SOAT2: variants seen among roughly 807,000 people sequenced by gnomAD.
The protein encoded by SOAT2 is sterol O-acyltransferase 2.
SOAT2 carries 87 observed loss-of-function variants against 76.0 expected under a neutral mutation model. That is an observed-to-expected ratio of 1.14 (90% CI 0.96 to 1.37). The LOEUF is 1.37. SOAT2 is among the 40% of genes most tolerant of loss of function. SOAT2 has a pLI of 0.00. For synonymous variants in SOAT2, 285 were observed against 275.4 expected (o/e 1.03, Z -0.34); for missense variants, 686 against 682.1 (o/e 1.01, Z -0.06).
intron 5 of SOAT2, among the ~76,000 whole-genome samples, chr12:53,113,291 A>G (rs1056811650): frequency 3.3e-5 from 5 of 152,194 alleles, no homozygotes; most frequent in Non-Finnish European, 7.3e-5. Context: ...AACAAGCCCA[A>G]TAGGAAAACA....
At chr12:53,103,725 T>C (rs1029241211) in intron 1 of SOAT2, 66 bp downstream of exon 1, 2 of 1,272,008 alleles carry the variant, frequency 1.6e-6, no homozygotes, top group African/African-American at 3.0e-5. Context: ...AGATGCGCTA[T>C]GGAGAGAAGG....
At chr12:53,116,983 G>T (rs1167724324) in intron 7 of SOAT2, among the ~76,000 whole-genome samples, 1 of 147,204 alleles carries the variant, frequency 6.8e-6, no homozygotes, top group Non-Finnish European at 1.5e-5. Flanking sequence ...TTTTGAGATG[G>T]AGTCTTGCCC....
rs1303838303 is a variant in SOAT2 at position 53,107,622 on chromosome 12, C to CTTTTTTTTTTT, written c.443+1616_443+1626dup. On this transcript the variant is annotated intron_variant, in intron 5 of 14. Coordinates refer to ENST00000301466, the MANE Select transcript of SOAT2 (RefSeq NM_003578.4). ...AGACTAGAATTTAACAACAGATGTA[C>CTTTTTTTTTTT]TTTTTTTTTTTTTTTTTTGAGACAG... is the stretch of plus-strand genomic sequence containing the variant. Among the ~76,000 whole-genome samples, 13 of 117,032 alleles carry CTTTTTTTTTTT rather than the reference C, an allele frequency of 1.1e-4. 2 individuals carry two copies. The highest frequency in any genetic ancestry group is 5.0e-4 in the East Asian group (2 of 3,962). 76.8% of individuals were successfully genotyped at this position (117,032 alleles called of 152,430 possible).
At chr12:53,105,473 C>A in intron 3 of SOAT2, 88 bp from the exon 4 acceptor site, 1 of 1,374,202 alleles carries the variant, frequency 7.3e-7, no homozygotes, top group South Asian at 1.2e-5. Flanking sequence ...CCTACCACTC[C>A]CCTTGGCTCC....
At chr12:53,120,069 C>T (rs745815588) in intron 10 of SOAT2, among the ~76,000 whole-genome samples, 1 of 152,212 alleles carries the variant, frequency 6.6e-6, no homozygotes, top group Non-Finnish European at 1.5e-5. Flanking sequence ...GGCACAGTGG[C>T]TCACACCTGT....
chr12:53,117,972 T>C (rs906385868), intron 7 of SOAT2, among the ~76,000 whole-genome samples: 3 of 152,122 alleles, frequency 2.0e-5, no homozygotes, highest in African/African-American at 7.2e-5. Context: ...AAACTTTCAA[T>C]TTGTAAAAGA....
At position 53,104,999 on chromosome 12, in the gene SOAT2, T is replaced by TTA; in HGVS notation, c.139-108_139-107insTA. The TTA allele has an allele frequency of 7.5e-6, 9 of 1,200,572 alleles. No homozygotes were observed. The East Asian group carries it at 1.3e-4, about 17-fold the overall frequency. 74.4% of individuals were successfully genotyped at this position (1,200,572 alleles called of 1,614,324 possible). A position where few individuals can be genotyped will look rare whatever the true frequency, so the allele number is the denominator to read the frequency against. On this transcript the variant is annotated intron_variant, in intron 2 of 14. Transcript: ENST00000301466. ...TGACCCCCCAGGTTGTTTTTTTTTT[T>TTA]AAAAAAAGCACTGTGCCTGGCATAG...
intron 7 of SOAT2, among the ~76,000 whole-genome samples, chr12:53,117,715 A>G (rs1281382596): frequency 6.6e-6 from 1 of 152,084 alleles, no homozygotes; most frequent in Non-Finnish European, 1.5e-5. Flanking sequence ...CCAAGGGAAG[A>G]GGAGGCCAGT....
chr12:53,114,127 G>T (rs990514744), intron 5 of SOAT2, among the ~76,000 whole-genome samples: 8 of 152,064 alleles, frequency 5.3e-5, no homozygotes, highest in Non-Finnish European at 8.8e-5. Flanking sequence ...ATGGAGGCCT[G>T]TATTAGTGAA....
chr12:53,105,253 G>C lies in SOAT2; in HGVS notation c.275+10G>C, dbSNP rs2121252157. The stretch of plus-strand genomic sequence containing the variant: ...CAGGTTCCTTGAGCAGGTGAGTCTG[G>C]GGAATGGCTGCGCGGGCTCCTCTGT... On this transcript the variant is annotated intron_variant, in intron 3 of 14. Coordinates refer to ENST00000301466, the MANE Select transcript of SOAT2 (RefSeq NM_003578.4). The C allele has an allele frequency of 6.2e-7, 1 of 1,600,148 alleles. No homozygotes were observed. The highest frequency in any genetic ancestry group is 8.5e-7 in the Non-Finnish European group (1 of 1,173,920).
At chr12:53,119,646 TGGG>T (rs386763107) in intron 10 of SOAT2, among the ~76,000 whole-genome samples, 50,544 of 152,014 alleles carry the variant, frequency 0.33, 10,652 homozygotes, top group African/African-American at 0.61. Flanking sequence ...CCAGCCTATC[TGGG>T]GGAAGATATG....
intron 5 of SOAT2, among the ~76,000 whole-genome samples, chr12:53,112,234 A>C (rs1181145440): frequency 6.6e-6 from 1 of 152,192 alleles, no homozygotes; most frequent in Non-Finnish European, 1.5e-5. Flanking sequence ...CTGAGAAGGA[A>C]AAAAACTTCT....
chr12:53,114,771 C>T (rs2121285455), intron 5 of SOAT2, among the ~76,000 whole-genome samples: 1 of 152,274 alleles, frequency 6.6e-6, no homozygotes, highest in African/African-American at 2.4e-5. Flanking sequence ...CATGCATTGA[C>T]ATTCAGTACC....
At chr12:53,116,195 A>C (rs747639185) in intron 7 of SOAT2, 29 bp downstream of exon 7, 1 of 1,595,112 alleles carries the variant, frequency 6.3e-7, no homozygotes, top group Non-Finnish European at 8.6e-7. Context: ...CCGGTTGTGA[A>C]CTCAGTCCTC....
intron 12 of SOAT2, among the ~76,000 whole-genome samples, chr12:53,121,690 AG>A (rs763803875): frequency 2.0e-5 from 3 of 151,832 alleles, no homozygotes; most frequent in Non-Finnish European, 4.4e-5. Flanking sequence ...TCAGCTACCA[AG>A]GGTTTTTACA....
chr12:53,121,207 C>T, intron 11 of SOAT2, 96 bp from the exon 12 acceptor site: 1 of 888,580 alleles, frequency 1.1e-6, no homozygotes, highest in South Asian at 1.4e-5. Flanking sequence ...TTCTGGAACA[C>T]TGGGATAGGG....
chr12:53,120,998 A>T, intron 11 of SOAT2, 115 bp downstream of exon 11: 2 of 808,184 alleles, frequency 2.5e-6, no homozygotes, highest in Non-Finnish European at 2.2e-6. Flanking sequence ...CACCTCCCAT[A>T]ATAAGAAATG....
At chr12:53,106,054 A>T in intron 5 of SOAT2, 40 bp downstream of exon 5, 2 of 1,457,702 alleles carry the variant, frequency 1.4e-6, no homozygotes, top group Non-Finnish European at 1.9e-6. Flanking sequence ...CACCTATCTG[A>T]TCAGACCCTC....
chr12:53,124,128 C>A lies in SOAT2; in HGVS notation c.*5C>A. ...TCTTGGTCCTGCCATACCTAGAGGTCGGGACAGACGACGCTACCTGCCCAG... is the reference window on the plus strand; with the variant it reads ...TCTTGGTCCTGCCATACCTAGAGGTAGGGACAGACGACGCTACCTGCCCAG... On this transcript the variant is annotated 3_prime_UTR_variant, in exon 15 of 15. Transcript: ENST00000301466. 1 of 1,614,094 alleles carries A rather than the reference C, an allele frequency of 6.2e-7. No homozygotes were observed. Among genetic ancestry groups the A allele is most frequent in the South Asian group, 1.1e-5 (1 of 91,080 alleles).
Sources: gnomAD v4.1 joint callset for allele counts (sites outside exome capture counted in the v4.1 genomes callset) on GRCh38, gnomAD v4.1.1 for gene constraint, MANE v1.5 for transcripts, NCBI Gene and HGNC (gene_info 2026-07-23, HGNC 2026-07-21) for gene names.